Variants in FGF3 observed in about 807,000 individuals in gnomAD.
FGF3 encodes fibroblast growth factor 3.
In FGF3, 7 loss-of-function variants were observed where a neutral mutation model predicts 9.8. That is an observed-to-expected ratio of 0.72 (90% CI 0.41 to 1.35). The LOEUF is 1.35. Among genes scored for constraint, FGF3 ranks in the 40% most tolerant of loss-of-function variants. FGF3 has a pLI of 0.01. For synonymous variants in FGF3, 173 were observed against 157.2 expected (o/e 1.10, Z -0.75); for missense variants, 390 against 345.6 (o/e 1.13, Z -1.02).
In FGF3 at chr11:69,813,395, G is replaced by A. The variant is rs139281440; in HGVS notation, c.325-2695C>T. Reference sequence around the variant, plus strand: ...GTGGGTGGAGCTAAGGTGCCTGGGGGATGCCTGCGCATCATGGGAGTCCTC... The same window carrying A: ...GTGGGTGGAGCTAAGGTGCCTGGGGAATGCCTGCGCATCATGGGAGTCCTC... On this transcript the variant is annotated intron_variant, in intron 2 of 2. Coordinates refer to ENST00000334134, the MANE Select transcript of FGF3 (RefSeq NM_005247.4). 5.0e-3 allele frequency among the ~76,000 whole-genome samples: 757 copies of A among 152,332 alleles called. 4 individuals are homozygous for A. The highest frequency in any genetic ancestry group is 0.017 in the African/African-American group (705 of 41,574).
At chr11:69,818,647 G>A (rs1590965809) in intron 1 of FGF3, 67 bp downstream of exon 1, 1 of 1,226,914 alleles carries the variant, frequency 8.2e-7, no homozygotes, top group East Asian at 3.2e-5. Flanking sequence ...CCCGCAGCGC[G>A]CCTTCTCCCG....
chr11:69,819,264 C>A lies in FGF3; in HGVS notation c.-331G>T, dbSNP rs562948419. Among the ~76,000 whole-genome samples the A allele has an allele frequency of 3.9e-3, 591 of 150,356 alleles. 4 individuals are homozygous for A. The highest frequency in any genetic ancestry group is 0.014 in the African/African-American group (562 of 41,182). ...CCGACGTGGTCCCCAGGCGGAGGCG[C>A]GGGAGGGGCGGGAGGCCGGCGGGTG... On this transcript the variant is annotated 5_prime_UTR_variant, in exon 1 of 3. Transcript: ENST00000334134.
intron 2 of FGF3, among the ~76,000 whole-genome samples, chr11:69,813,987 G>A (rs1856086561): frequency 6.6e-6 from 1 of 151,962 alleles, no homozygotes; most frequent in African/African-American, 2.4e-5. Context: ...TGGAAGGAAG[G>A]AGGGAGCATG....
At position 69,810,431 on chromosome 11, in the gene FGF3, C is replaced by A. The variant is rs1554980317; in HGVS notation, c.594G>T (p.Leu198=). 1 of 1,587,818 alleles carries A rather than the reference C, an allele frequency of 6.3e-7. No homozygotes were observed. Among genetic ancestry groups the A allele is most frequent in the Non-Finnish European group, 8.6e-7 (1 of 1,166,352 alleles). Residue 198 remains leucine, a synonymous_variant, in exon 3 of 3, where the codon CTG becomes CTT. Transcript: ENST00000334134. The stretch of plus-strand genomic sequence containing the variant: ...GGACCCCCTTACCAGGGGGTCTGGG[C>A]AGCCCACTCTGTAGCTGCCGCACCA... ...HEMVRQLQSG[L]PRPPGKGVQP...
intron 2 of FGF3, 100 bp downstream of exon 2, chr11:69,816,220 G>T: frequency 1.1e-6 from 1 of 944,958 alleles, no homozygotes; most frequent in Non-Finnish European, 1.7e-6. Context: ...GTGTACCCTT[G>T]GCAAAGCATT....
At chr11:69,815,074 G>A (rs1856104657) in intron 2 of FGF3, among the ~76,000 whole-genome samples, 1 of 151,998 alleles carries the variant, frequency 6.6e-6, no homozygotes, top group Non-Finnish European at 1.5e-5. Flanking sequence ...TGGATAGGTG[G>A]ATGGGTGAGT....
Position 69,818,956 on chromosome 11 carries a change from G to A in FGF3, c.-23C>T. The A allele has an allele frequency of 7.7e-7, 1 of 1,299,874 alleles. No homozygotes were observed. Among genetic ancestry groups the A allele is most frequent in the African/African-American group, 1.5e-5 (1 of 64,564 alleles). The allele number at this position is 1,299,874 out of a possible 1,614,324, so 80.5% of individuals were successfully genotyped here. On this transcript the variant is annotated 5_prime_UTR_variant, in exon 1 of 3. Coordinates refer to ENST00000334134, the MANE Select transcript of FGF3 (RefSeq NM_005247.4). Reference sequence around the variant, plus strand: ...CATCGTGGCATCGCGCCCGCCCCGCGGCGGCGGCGGCTGCAGGCGAGCGCG... The same window carrying A: ...CATCGTGGCATCGCGCCCGCCCCGCAGCGGCGGCGGCTGCAGGCGAGCGCG...
chr11:69,817,159 G>A (rs1467904946), intron 1 of FGF3, among the ~76,000 whole-genome samples: 1 of 151,950 alleles, frequency 6.6e-6, no homozygotes, highest in African/African-American at 2.4e-5. Context: ...GGGGCTGGGG[G>A]CGGGGGACTA....
intron 2 of FGF3, among the ~76,000 whole-genome samples, chr11:69,812,672 C>T (rs1236561133): frequency 6.6e-6 from 1 of 152,130 alleles, no homozygotes; most frequent in Non-Finnish European, 1.5e-5. Context: ...CCACCCCACA[C>T]ACTGGGTACA....
In FGF3 at chr11:69,810,160, T is replaced by A; in HGVS notation, c.*145A>T. ...GACTTGGGCCCTCTTCAGTTCCCAC[T>A]GGACCCTGATTTGAGCTGGCTCTGG... On this transcript the variant is annotated 3_prime_UTR_variant, in exon 3 of 3. Transcript: ENST00000334134. 1.2e-6 allele frequency: 1 copy of A among 818,712 alleles called. No individual in the cohort carries two copies. The highest frequency in any genetic ancestry group is 1.9e-5 in the South Asian group (1 of 52,116). The allele number at this position is 818,712 out of a possible 1,614,324, so 50.7% of individuals were successfully genotyped here.
In FGF3 at chr11:69,812,153, G is replaced by A. The variant is rs141394020; in HGVS notation, c.325-1453C>T. On this transcript the variant is annotated intron_variant, in intron 2 of 2. Transcript: ENST00000334134. ...GCAGCAGGTGCAAGGCAGACAGCAG[G>A]ATCTCTCTTTCCTCCTGGGGACTGG... Among the ~76,000 whole-genome samples, 428 of 152,288 alleles carry A rather than the reference G, an allele frequency of 2.8e-3. 1 individual carries two copies. Among genetic ancestry groups the A allele is most frequent in the Non-Finnish European group, 4.4e-3 (302 of 68,014 alleles).
Position 69,818,982 on chromosome 11 carries a change from G to T in FGF3, c.-49C>A, listed in dbSNP as rs1217923548. 49 of 1,317,888 alleles carry T rather than the reference G, an allele frequency of 3.7e-5. No homozygotes were observed. Among genetic ancestry groups the T allele is most frequent in the Non-Finnish European group, 4.3e-5 (43 of 994,938 alleles). 81.6% of individuals were successfully genotyped at this position (1,317,888 alleles called of 1,614,324 possible). On this transcript the variant is annotated 5_prime_UTR_variant, in exon 1 of 3. Transcript: ENST00000334134. Reference sequence around the variant, plus strand: ...GCGGCGGCGGCTGCAGGCGAGCGCGGCGCCCATGGAAGGGGCGGCAGCCGG... The same window carrying T: ...GCGGCGGCGGCTGCAGGCGAGCGCGTCGCCCATGGAAGGGGCGGCAGCCGG...
chr11:69,813,589 TGGGTGGGTGGATG>T lies in FGF3; in HGVS notation c.324+2718_324+2730del, dbSNP rs1856062422. 2.3e-5 allele frequency among the ~76,000 whole-genome samples: 3 copies of T among 132,860 alleles called. 1 individual carries two copies. Among genetic ancestry groups the T allele is most frequent in the Non-Finnish European group, 5.0e-5 (3 of 60,512 alleles). The allele number at this position is 132,860 out of a possible 152,430, so 87.2% of individuals were successfully genotyped here. A position where few individuals can be genotyped will look rare whatever the true frequency, so the allele number is the denominator to read the frequency against. On this transcript the variant is annotated intron_variant, in intron 2 of 2. Coordinates refer to ENST00000334134, the MANE Select transcript of FGF3 (RefSeq NM_005247.4). ...ATGGGTGGATGGATGGATGGATAGA[TGGGTGGGTGGATG>T]GATGGATGGATGGGTGGATGGATGG...
chr11:69,817,350 G>A (rs1554981197), intron 1 of FGF3: 3 of 152,108 alleles, frequency 2.0e-5, no homozygotes, highest in Non-Finnish European at 2.9e-5. Flanking sequence ...TGCAGGCTGC[G>A]AGCCTCCCGC....
Position 69,810,223 on chromosome 11 carries a change from G to A in FGF3, c.*82C>T. 7.5e-7 allele frequency: 1 copy of A among 1,325,778 alleles called. No individual in the cohort carries two copies. The highest frequency in any genetic ancestry group is 1.0e-6 in the Non-Finnish European group (1 of 982,786). 82.1% of individuals were successfully genotyped at this position (1,325,778 alleles called of 1,614,324 possible). A position where few individuals can be genotyped will look rare whatever the true frequency, so the allele number is the denominator to read the frequency against. ...ACCCAGACGCGGGACGCAGGGGCAA[G>A]GGCTCAAGGAGGAGAGTCAGAGTCA... On this transcript the variant is annotated 3_prime_UTR_variant, in exon 3 of 3. Coordinates refer to ENST00000334134, the MANE Select transcript of FGF3 (RefSeq NM_005247.4).
At position 69,810,531 on chromosome 11, in the gene FGF3, C is replaced by T; in HGVS notation, c.494G>A (p.Arg165Lys). The T allele has an allele frequency of 6.2e-7, 1 of 1,611,686 alleles. No homozygotes were observed. The highest frequency in any genetic ancestry group is 1.1e-5 in the South Asian group (1 of 90,974). Residue 165 changes from arginine to lysine, a missense_variant, in exon 3 of 3, where the codon AGG becomes AAG. Coordinates refer to ENST00000334134, the MANE Select transcript of FGF3 (RefSeq NM_005247.4). ...CTGTGTGCGGCGGGTCTTGAAGCCC[C>T]TGCGGGGCCGGCCCTTGCCGTTCAC... is the stretch of plus-strand genomic sequence containing the variant. ...VSVNGKGRPR[R>K]GFKTRRTQKS... is the part of the protein sequence containing the mutation.
chr11:69,810,444 A>G lies in FGF3; in HGVS notation c.581T>C (p.Leu194Pro). 1.3e-6 allele frequency: 2 copies of G among 1,595,682 alleles called. No individual in the cohort carries two copies. Among genetic ancestry groups the G allele is most frequent in the Non-Finnish European group, 1.7e-6 (2 of 1,171,044 alleles). ...AGGGGGTCTGGGCAGCCCACTCTGTAGCTGCCGCACCATCTCGTGGTCCCT... is the reference window on the plus strand; with the variant it reads ...AGGGGGTCTGGGCAGCCCACTCTGTGGCTGCCGCACCATCTCGTGGTCCCT... The part of the protein sequence containing the change: ...DHRDHEMVRQ[L>P]QSGLPRPPGK... Residue 194 changes from leucine (L) to proline (P), a missense_variant, in exon 3 of 3, where the codon CTA becomes CCA. Physicochemically the swap from Leu to Pro is moderately conservative, Grantham distance 98. Transcript: ENST00000334134.
At chr11:69,813,660 ATGGG>A in intron 2 of FGF3, among the ~76,000 whole-genome samples, 1 of 123,214 alleles carries the variant, frequency 8.1e-6, no homozygotes, top group Non-Finnish European at 1.8e-5. Flanking sequence ...GGATGGATGG[ATGGG>A]TGGATGGCTG....
At chr11:69,810,783 C>T in intron 2 of FGF3, 83 bp from the exon 3 acceptor site, 2 of 1,302,344 alleles carry the variant, frequency 1.5e-6, no homozygotes, top group Non-Finnish European at 1.0e-6. Context: ...GCCTCCCTCC[C>T]CTCCTGTGAG....
Sources: gnomAD v4.1 joint callset for allele counts (sites outside exome capture counted in the v4.1 genomes callset) on GRCh38, gnomAD v4.1.1 for gene constraint, MANE v1.5 for transcripts, NCBI Gene and HGNC (gene_info 2026-07-23, HGNC 2026-07-21) for gene names.